Variants in STAB2 observed in about 807,000 individuals in gnomAD.
STAB2 encodes the protein stabilin 2.
Under a neutral mutation model 338.1 loss-of-function variants are expected in STAB2, and 288 were observed. The observed-to-expected ratio is 0.85, with a 90% CI of 0.77 to 0.94. The LOEUF (loss-of-function observed/expected upper bound fraction) is 0.94, where lower values mean the gene tolerates loss of function less well. Among genes scored for constraint, STAB2 ranks in the 40% least tolerant of loss-of-function variants. STAB2 has a pLI of 0.00. For synonymous variants in STAB2, 1,202 were observed against 1,193.3 expected, an observed-to-expected ratio of 1.01 and a Z score of -0.15; for missense variants, 3,141 against 3,210.1, an observed-to-expected ratio of 0.98 and a Z score of 0.52.
chr12:103,680,762 A>G (rs1190200909), intron 25 of STAB2, among the ~76,000 whole-genome samples: 1 of 152,246 alleles, frequency 6.6e-6, no homozygotes, highest in Non-Finnish European at 1.5e-5. Context: ...TATCATGTGG[A>G]CTAGGAGAGG....
intron 64 of STAB2, 140 bp from the exon 65 acceptor site, chr12:103,758,993 C>T: frequency 4.9e-6 from 7 of 1,425,800 alleles, no homozygotes; most frequent in Non-Finnish European, 6.8e-6. Flanking sequence ...CCTAAGAAAA[C>T]CTTGACATTT....
intron 60 of STAB2, 63 bp downstream of exon 60, chr12:103,750,783 T>G (rs1883570080): frequency 6.5e-7 from 1 of 1,527,280 alleles, no homozygotes; most frequent in South Asian, 1.2e-5. Flanking sequence ...GAAGGGACCC[T>G]CAAGGGAAAG....
rs1883826230 is a variant in STAB2 at position 103,753,264 on chromosome 12, T to C, written c.6625T>C (p.Tyr2209His). ...CCATCTACGCTCCCCACTGGGCCAG[T>C]ATAAGCTGACCTTTGACAAAGCCAG... Reference protein sequence around the residue: ...VFHLRSPLGQYKLTFDKAREA... With the variant: ...VFHLRSPLGQHKLTFDKAREA... The change falls in exon 61 of 69, where the codon TAT becomes CAT. Residue 2209 changes from tyrosine to histidine, a missense_variant. Coordinates refer to ENST00000388887, the MANE Select transcript of STAB2 (RefSeq NM_017564.10). The C allele has an allele frequency of 6.2e-7, 1 of 1,614,100 alleles. No homozygotes were observed. Among genetic ancestry groups the C allele is most frequent in the Admixed American group, 1.7e-5 (1 of 60,016 alleles).
chr12:103,699,319 T>C (rs1878665825), intron 34 of STAB2, 92 bp downstream of exon 34: 1 of 1,467,070 alleles, frequency 6.8e-7, no homozygotes, highest in East Asian at 2.3e-5. Flanking sequence ...CTGTCATCCT[T>C]CATCACTTCT....
chr12:103,673,811 G>C (rs921547786), intron 22 of STAB2, 96 bp from the exon 23 acceptor site: 2 of 1,301,786 alleles, frequency 1.5e-6, no homozygotes, highest in African/African-American at 2.9e-5. Flanking sequence ...TGAGTGGGGG[G>C]TGAGAAGAGG....
chr12:103,741,735 G>C (rs560013994), intron 55 of STAB2, among the ~76,000 whole-genome samples: 3 of 152,356 alleles, frequency 2.0e-5, no homozygotes, highest in Non-Finnish European at 4.4e-5. Flanking sequence ...GATTACAGGC[G>C]TGAGCCGCCG....
chr12:103,734,152 GCA>G (rs1253506814), intron 51 of STAB2, among the ~76,000 whole-genome samples: 10 of 134,564 alleles, frequency 7.4e-5, no homozygotes, highest in Admixed American at 1.6e-4. Flanking sequence ...ATGGGAGCAT[GCA>G]CAGTCTCATA....
intron 55 of STAB2, 51 bp downstream of exon 55, chr12:103,740,807 T>C (rs1882525100): frequency 6.6e-7 from 1 of 1,515,316 alleles, no homozygotes; most frequent in African/African-American, 1.4e-5. Context: ...AATATGCTCC[T>C]GCTCGTTGTC....
At chr12:103,701,368 C>T (rs926886047) in intron 34 of STAB2, among the ~76,000 whole-genome samples, 3 of 152,098 alleles carry the variant, frequency 2.0e-5, no homozygotes, top group Non-Finnish European at 2.9e-5. Context: ...GGTATATACC[C>T]AGTAATGGGA....
At chr12:103,630,036 C>G (rs1172526824) in intron 5 of STAB2, among the ~76,000 whole-genome samples, 1 of 152,026 alleles carries the variant, frequency 6.6e-6, no homozygotes, top group Non-Finnish European at 1.5e-5. Context: ...CATTGTTTAC[C>G]AAACTGAGAA....
rs137946251 is a variant in STAB2, at chr12:103,740,041, T to A, written c.5754+573T>A. Among the ~76,000 whole-genome samples the A allele has an allele frequency of 2.0e-5, 3 of 152,324 alleles. No homozygotes were observed. In the East Asian group the frequency reaches 5.8e-4, roughly 29 times the overall value. ...ATTCCATAATCTTTGACAAATCTTA[T>A]GACCTATCAGGTTTGCCTCTGTAAA... is the stretch of plus-strand genomic sequence containing the variant. On this transcript the variant is annotated intron_variant, in intron 54 of 68. Transcript: ENST00000388887.
intron 3 of STAB2, among the ~76,000 whole-genome samples, chr12:103,603,504 C>T (rs78774099): frequency 0.024 from 3,594 of 152,290 alleles, 91 homozygotes; most frequent in Admixed American, 0.073. Flanking sequence ...TTTGGACCAT[C>T]GTAGAAAATT....
At chr12:103,693,606 T>C (rs1400084710) in intron 31 of STAB2, among the ~76,000 whole-genome samples, 2 of 152,032 alleles carry the variant, frequency 1.3e-5, no homozygotes, top group Non-Finnish European at 2.9e-5. Flanking sequence ...GGGAAGGCCC[T>C]AAGGAAAAAA....
At chr12:103,753,889 G>A (rs1215748365) in intron 61 of STAB2, among the ~76,000 whole-genome samples, 1 of 152,184 alleles carries the variant, frequency 6.6e-6, no homozygotes, top group South Asian at 2.1e-4. Context: ...CTCTCTGGCT[G>A]GAGGGACTGT....
chr12:103,726,518 G>A (rs1881219596), intron 46 of STAB2, among the ~76,000 whole-genome samples: 1 of 152,120 alleles, frequency 6.6e-6, no homozygotes, highest in Non-Finnish European at 1.5e-5. Flanking sequence ...TCAGCCTCAA[G>A]CCAAATACAG....
At chr12:103,588,568 C>T (rs945386420) in intron 1 of STAB2, among the ~76,000 whole-genome samples, 6 of 152,146 alleles carry the variant, frequency 3.9e-5, no homozygotes, top group Non-Finnish European at 7.3e-5. Context: ...CAGACCTTAA[C>T]TAATTTAAAT....
At chr12:103,699,321 A>G (rs967851843) in intron 34 of STAB2, 94 bp downstream of exon 34, 1 of 1,466,634 alleles carries the variant, frequency 6.8e-7, no homozygotes, top group South Asian at 1.3e-5. Context: ...GTCATCCTTC[A>G]TCACTTCTGT....
intron 29 of STAB2, 48 bp downstream of exon 29, chr12:103,690,030 G>A (rs1877790392): frequency 1.9e-6 from 3 of 1,584,154 alleles, no homozygotes; most frequent in Non-Finnish European, 2.6e-6. Flanking sequence ...TGGCATCTGT[G>A]TAAACATGTC....
intron 44 of STAB2, 88 bp from the exon 45 acceptor site, chr12:103,724,887 C>G: frequency 6.4e-7 from 1 of 1,563,248 alleles, no homozygotes. Context: ...AAAATGAATT[C>G]AAACGCAGAA....
Sources: gnomAD v4.1 joint callset for allele counts (sites outside exome capture counted in the v4.1 genomes callset) on GRCh38, gnomAD v4.1.1 for gene constraint, MANE v1.5 for transcripts, NCBI Gene and HGNC (gene_info 2026-07-23, HGNC 2026-07-21) for gene names.